The following CDH7 variants were observed in gnomAD, a reference collection of about 807,000 sequenced individuals.
CDH7 encodes cadherin 7, also known as cadherin-7.
CDH7 carries 25 observed loss-of-function variants against 71.8 expected under a neutral mutation model. That is an observed-to-expected ratio of 0.35 (90% confidence interval 0.25 to 0.49). The LOEUF (loss-of-function observed/expected upper bound fraction) is 0.49. Ranked by LOEUF, CDH7 falls within the 20% of genes least tolerant of loss-of-function variation. CDH7 has a pLI of 0.99. For synonymous variants in CDH7, 381 were observed against 363.8 expected, an observed-to-expected ratio of 1.05 and a Z score of -0.54; for missense variants, 862 against 974.6, an observed-to-expected ratio of 0.88 and a Z score of 1.54.
chr18:65,825,338 T>C (rs972619152), intron 6 of CDH7, among the ~76,000 whole-genome samples: 2 of 151,894 alleles, frequency 1.3e-5, no homozygotes, highest in Admixed American at 1.3e-4. Flanking sequence ...AAGAAAAGCA[T>C]GAAAAGTTGT....
At chr18:65,834,857 G>A (rs1164726967) in intron 6 of CDH7, among the ~76,000 whole-genome samples, 1 of 152,130 alleles carries the variant, frequency 6.6e-6, no homozygotes, top group Non-Finnish European at 1.5e-5. Flanking sequence ...ACAAAAACTG[G>A]TCACCAACTC....
chr18:65,757,044 GTT>G lies in CDH7; in HGVS notation c.-196-5590_-196-5589del, dbSNP rs35923381. On this transcript the variant is annotated intron_variant, in intron 1 of 11. Transcript: ENST00000397968. The stretch of plus-strand genomic sequence containing the variant: ...GTAATTGATATGCTAATGCATAACA[GTT>G]TTTTTTTTTTTTGCATGAAAGGACC... Among the ~76,000 whole-genome samples the G allele has an allele frequency of 3.7e-3, 536 of 143,950 alleles. 7 individuals carry two copies. Among genetic ancestry groups the G allele is most frequent in the African/African-American group, 0.013 (512 of 39,768 alleles). The allele number at this position is 143,950 out of a possible 152,430, so 94.4% of individuals were successfully genotyped here.
intron 11 of CDH7, among the ~76,000 whole-genome samples, chr18:65,874,595 A>G (rs1042311317): frequency 6.6e-6 from 1 of 152,116 alleles, no homozygotes; most frequent in African/African-American, 2.4e-5. Context: ...GGTAATGTAC[A>G]CCAAAAGTCC....
At chr18:65,857,084 A>T (rs1913386511) in intron 7 of CDH7, among the ~76,000 whole-genome samples, 1 of 151,680 alleles carries the variant, frequency 6.6e-6, no homozygotes, top group Non-Finnish European at 1.5e-5. Flanking sequence ...ATTACTAAGT[A>T]TATGCAAATG....
At chr18:65,880,274 G>C in intron 11 of CDH7, 127 bp from the exon 12 acceptor site, 2 of 912,808 alleles carry the variant, frequency 2.2e-6, no homozygotes, top group Non-Finnish European at 3.2e-6. Context: ...TGTGGAAGTA[G>C]GTGGCCAATT....
At chr18:65,750,674 G>C (rs1915838029), upstream of CDH7, 1 of 152,128 alleles carries the variant, frequency 6.6e-6, no homozygotes, top group African/African-American at 2.4e-5. Context: ...CGAAGTCTCA[G>C]TGGCTCCCTG....
intron 1 of CDH7, among the ~76,000 whole-genome samples, chr18:65,753,997 A>G: frequency 6.6e-6 from 1 of 152,224 alleles, no homozygotes; most frequent in Non-Finnish European, 1.5e-5. Context: ...AGGTAAATAC[A>G]AGGGCAAATT....
chr18:65,793,110 A>G (rs901267998), intron 2 of CDH7, among the ~76,000 whole-genome samples: 5 of 152,108 alleles, frequency 3.3e-5, no homozygotes, highest in Non-Finnish European at 7.4e-5. Context: ...CCACCCCATG[A>G]AGTTTATGAA....
At chr18:65,816,432 T>C (rs1010240150) in intron 4 of CDH7, among the ~76,000 whole-genome samples, 1 of 152,182 alleles carries the variant, frequency 6.6e-6, no homozygotes, top group African/African-American at 2.4e-5. Flanking sequence ...CCTTTCCTGA[T>C]GTCTGTCTGA....
At chr18:65,863,241 T>A (rs1913642696) in intron 11 of CDH7, 1 of 302,972 alleles carries the variant, frequency 3.3e-6, no homozygotes, top group African/African-American at 2.1e-5. Context: ...TTTCACCATG[T>A]TGGGCAGGCT....
intron 5 of CDH7, among the ~76,000 whole-genome samples, chr18:65,822,984 C>T (rs1911991341): frequency 2.0e-5 from 3 of 151,636 alleles, no homozygotes; most frequent in Admixed American, 2.0e-4. Context: ...CTTTAGAACA[C>T]TCAAGAAAAT....
chr18:65,819,691 C>T (rs1313198498), intron 4 of CDH7, among the ~76,000 whole-genome samples: 1 of 152,046 alleles, frequency 6.6e-6, no homozygotes, highest in Non-Finnish European at 1.5e-5. Flanking sequence ...AAGGTACTTC[C>T]TCAGTTAACA....
At chr18:65,829,517 G>T (rs1912258444) in intron 6 of CDH7, among the ~76,000 whole-genome samples, 1 of 149,446 alleles carries the variant, frequency 6.7e-6, no homozygotes, top group Admixed American at 6.7e-5. Context: ...TGCCAGATAT[G>T]TATTTCACTG....
At chr18:65,860,785 G>A (rs1913536688) in intron 10 of CDH7, among the ~76,000 whole-genome samples, 3 of 152,114 alleles carry the variant, frequency 2.0e-5, no homozygotes, top group Admixed American at 2.0e-4. Flanking sequence ...TTTGCATGAA[G>A]CCATCACCTT....
At chr18:65,824,533 A>G (rs1599032073) in intron 5 of CDH7, 111 bp from the exon 6 acceptor site, 2 of 596,512 alleles carry the variant, frequency 3.4e-6, no homozygotes, top group East Asian at 6.2e-5. Context: ...CATATATTTT[A>G]TTAAAAAATA....
intron 4 of CDH7, among the ~76,000 whole-genome samples, chr18:65,816,010 G>A (rs1305130489): frequency 6.6e-6 from 1 of 152,232 alleles, no homozygotes; most frequent in East Asian, 1.9e-4. Context: ...ATTGGCTTAT[G>A]ATTTTGGCTT....
chr18:65,860,628 A>T (rs1051485754), intron 10 of CDH7, among the ~76,000 whole-genome samples: 2 of 152,012 alleles, frequency 1.3e-5, no homozygotes, highest in African/African-American at 2.4e-5. Flanking sequence ...GGTGAATAGT[A>T]CCCCCCAACA....
intron 2 of CDH7, among the ~76,000 whole-genome samples, chr18:65,802,233 G>GT (rs2143886251): frequency 6.6e-6 from 1 of 152,226 alleles, no homozygotes; most frequent in Admixed American, 6.5e-5. Context: ...GCACACATTT[G>GT]TTTTTTAAGA....
chr18:65,812,908 A>G (rs1911593867), intron 3 of CDH7, among the ~76,000 whole-genome samples: 1 of 152,250 alleles, frequency 6.6e-6, no homozygotes, highest in Non-Finnish European at 1.5e-5. Context: ...GGAAAGAGAG[A>G]ACATCAATGT....
Sources: allele counts gnomAD v4.1 joint callset (sites outside exome capture counted in the v4.1 genomes callset), GRCh38; gene constraint gnomAD v4.1.1; transcripts MANE v1.5; gene names NCBI Gene and HGNC (gene_info 2026-07-23, HGNC 2026-07-21).